Variants in MPHOSPH6 observed in about 807,000 individuals in gnomAD.
The protein encoded by MPHOSPH6 is M-phase phosphoprotein 6.
A neutral mutation model predicts 21.8 loss-of-function variants in MPHOSPH6; 25 were observed. That is an observed-to-expected ratio of 1.15 (90% confidence interval 0.83 to 1.60). MPHOSPH6 has a LOEUF of 1.60. Ranked by LOEUF, MPHOSPH6 falls within the 40% of genes most tolerant of loss-of-function variation. MPHOSPH6 has a pLI of 0.00. For missense variants in MPHOSPH6, 269 were observed against 181.8 expected (o/e 1.48, Z -2.76); for synonymous variants, 84 against 56.5 (o/e 1.49, Z -2.18).
At chr16:82,161,397 A>T (rs1906603237) in intron 2 of MPHOSPH6, among the ~76,000 whole-genome samples, 1 of 152,220 alleles carries the variant, frequency 6.6e-6, no homozygotes, top group Non-Finnish European at 1.5e-5. Flanking sequence ...ACAAAACACA[A>T]GTATAAGATG....
intron 2 of MPHOSPH6, among the ~76,000 whole-genome samples, chr16:82,153,705 A>G (rs1012399445): frequency 2.0e-5 from 3 of 152,212 alleles, no homozygotes; most frequent in Admixed American, 6.5e-5. Flanking sequence ...ATGAGTCTTT[A>G]GACTTAGGGA....
intron 2 of MPHOSPH6, among the ~76,000 whole-genome samples, chr16:82,162,846 A>C (rs546472817): frequency 6.6e-6 from 1 of 152,254 alleles, no homozygotes; most frequent in Non-Finnish European, 1.5e-5. Context: ...TCTGGGAATA[A>C]TATGCTGTAT....
intron 2 of MPHOSPH6, among the ~76,000 whole-genome samples, chr16:82,152,597 G>A (rs1171524023): frequency 3.3e-5 from 5 of 152,108 alleles, no homozygotes; most frequent in Admixed American, 1.3e-4. Flanking sequence ...CAGAAATAAC[G>A]GTCGCTAGGT....
At chr16:82,155,943 A>G (rs538361501) in intron 2 of MPHOSPH6, among the ~76,000 whole-genome samples, 2 of 152,070 alleles carry the variant, frequency 1.3e-5, no homozygotes, top group Non-Finnish European at 2.9e-5. Flanking sequence ...CAGGTTATCT[A>G]TGAAAGACAT....
intron 2 of MPHOSPH6, among the ~76,000 whole-genome samples, chr16:82,162,476 G>A (rs1482572684): frequency 6.6e-6 from 1 of 152,168 alleles, no homozygotes; most frequent in African/African-American, 2.4e-5. Flanking sequence ...CCAGGTACCT[G>A]GCTCCCTTGC....
chr16:82,162,265 T>C (rs924779804), intron 2 of MPHOSPH6: 2 of 152,254 alleles, frequency 1.3e-5, no homozygotes, highest in Non-Finnish European at 2.9e-5. Flanking sequence ...CAGGTCTGCC[T>C]GACTTCAGAG....
intron 2 of MPHOSPH6, among the ~76,000 whole-genome samples, chr16:82,162,693 T>G (rs2142415329): frequency 6.6e-6 from 1 of 152,332 alleles, no homozygotes; most frequent in East Asian, 1.9e-4. Flanking sequence ...CACCCACACC[T>G]TGATAGTCTC....
At chr16:82,167,919 G>C (rs1474065651) in intron 1 of MPHOSPH6, among the ~76,000 whole-genome samples, 2 of 152,136 alleles carry the variant, frequency 1.3e-5, no homozygotes, top group Non-Finnish European at 2.9e-5. Flanking sequence ...ACTTAGCTCT[G>C]GTTAAGGCAC....
At position 82,157,665 on chromosome 16, in the gene MPHOSPH6, T is replaced by C. The variant is rs957524458; in HGVS notation, c.165-6151A>G. Among the ~76,000 whole-genome samples the C allele has an allele frequency of 6.6e-5, 10 of 150,756 alleles. No individual in the cohort carries two copies. In the East Asian group the frequency reaches 1.0e-3, roughly 15 times the overall value. On this transcript the variant is annotated intron_variant, in intron 2 of 4. Transcript: ENST00000258169. ...CACGTGCACACAGTTTAAGGGGAGA[T>C]ACTGAGGGCAGACTAGAGGAGAGGC...
At chr16:82,169,900 A>C (rs1031420849) in intron 1 of MPHOSPH6, among the ~76,000 whole-genome samples, 6 of 152,106 alleles carry the variant, frequency 3.9e-5, no homozygotes, top group African/African-American at 1.4e-4. Context: ...CTGTGTACTC[A>C]AGCTCCCATC....
At chr16:82,164,255 C>G in intron 1 of MPHOSPH6, 61 bp from the exon 2 acceptor site, 1 of 1,089,858 alleles carries the variant, frequency 9.2e-7, no homozygotes, top group East Asian at 2.4e-5. Context: ...GAGGAAACCC[C>G]AAATAATTTT....
rs1249190990 is a variant in MPHOSPH6 at position 82,148,459 on chromosome 16, C to G, written c.*272G>C. The stretch of plus-strand genomic sequence containing the variant: ...ACTGGAGAACTATATTAAGAGAAAC[C>G]TGAGGTAAAAAAAATCTTTAGGAAG... On this transcript the variant is annotated 3_prime_UTR_variant, in exon 5 of 5. Coordinates refer to ENST00000258169, the MANE Select transcript of MPHOSPH6 (RefSeq NM_005792.2). 1 of 307,636 alleles carries G rather than the reference C, an allele frequency of 3.3e-6. No homozygotes were observed. Among genetic ancestry groups the G allele is most frequent in the African/African-American group, 2.1e-5 (1 of 46,852 alleles). 19.1% of individuals were successfully genotyped at this position (307,636 alleles called of 1,614,324 possible).
intron 3 of MPHOSPH6, chr16:82,151,189 G>A (rs2142404534): frequency 3.3e-6 from 1 of 306,848 alleles, no homozygotes; most frequent in South Asian, 9.7e-5. Context: ...TAATATTTAT[G>A]GTGGCTCTGT....
chr16:82,152,594 A>C (rs1906299976), intron 2 of MPHOSPH6, among the ~76,000 whole-genome samples: 1 of 152,196 alleles, frequency 6.6e-6, no homozygotes, highest in African/African-American at 2.4e-5. Flanking sequence ...GGGCAGAAAT[A>C]ACGGTCGCTA....
intron 1 of MPHOSPH6, among the ~76,000 whole-genome samples, chr16:82,168,524 G>A (rs1906865520): frequency 6.7e-6 from 1 of 148,376 alleles, no homozygotes; most frequent in South Asian, 2.1e-4. Flanking sequence ...AGGCTGGAGT[G>A]CAGTGGCGCC....
intron 1 of MPHOSPH6, 49 bp from the exon 2 acceptor site, chr16:82,164,243 C>A (rs751659724): frequency 3.1e-5 from 37 of 1,188,704 alleles, no homozygotes; most frequent in Non-Finnish European, 4.4e-5. Context: ...CATTTTAGAA[C>A]TGAGGAAACC....
At chr16:82,169,753 T>C (rs1906909001) in intron 1 of MPHOSPH6, among the ~76,000 whole-genome samples, 2 of 152,224 alleles carry the variant, frequency 1.3e-5, no homozygotes, top group Admixed American at 6.5e-5. Flanking sequence ...ATTACCCAGC[T>C]AAGGAGTTAC....
intron 1 of MPHOSPH6, 150 bp downstream of exon 1, chr16:82,169,975 G>A (rs60776905): frequency 0.043 from 38,935 of 904,484 alleles, 1,510 homozygotes; most frequent in African/African-American, 0.15. Flanking sequence ...ACAGTGCAGA[G>A]CAGGCGCTAA....
chr16:82,168,614 G>C (rs59603015), intron 1 of MPHOSPH6, among the ~76,000 whole-genome samples: 1 of 151,958 alleles, frequency 6.6e-6, no homozygotes, highest in African/African-American at 2.4e-5. Context: ...GGGACTAAAG[G>C]TGCGTGCCAC....
Sources: gnomAD v4.1 joint callset for allele counts (sites outside exome capture counted in the v4.1 genomes callset) on GRCh38, gnomAD v4.1.1 for gene constraint, MANE v1.5 for transcripts, NCBI Gene and HGNC (gene_info 2026-07-23, HGNC 2026-07-21) for gene names.